GNPAT: variants seen among roughly 807,000 people sequenced by gnomAD.
GNPAT encodes dihydroxyacetone phosphate acyltransferase.
Under a neutral mutation model 78.4 loss-of-function variants are expected in GNPAT, and 30 were observed. That is an observed-to-expected ratio of 0.38 (90% CI 0.29 to 0.52). The LOEUF is 0.52. Ranked by LOEUF, GNPAT falls within the 20% of genes least tolerant of loss-of-function variation. The pLI, the probability that GNPAT is intolerant of heterozygous loss-of-function variation, is 0.84. For synonymous variants in GNPAT, 271 were observed against 281.1 expected (o/e 0.96, Z 0.36); for missense variants, 714 against 812.2 (o/e 0.88, Z 1.47).
intron 1 of GNPAT, among the ~76,000 whole-genome samples, chr1:231,242,560 A>T (rs536504743): frequency 6.6e-6 from 1 of 152,112 alleles, no homozygotes; most frequent in African/African-American, 2.4e-5. Context: ...CTCTTCATTG[A>T]TCTTATCTTC....
intron 2 of GNPAT, among the ~76,000 whole-genome samples, chr1:231,258,709 C>A (rs1394458767): frequency 7.2e-6 from 1 of 138,230 alleles, no homozygotes; most frequent in African/African-American, 2.8e-5. Flanking sequence ...TGGCTCACTG[C>A]AAGCTCCGCC....
intron 1 of GNPAT, among the ~76,000 whole-genome samples, chr1:231,250,689 G>T (rs1024179307): frequency 2.0e-5 from 3 of 152,118 alleles, no homozygotes; most frequent in Non-Finnish European, 2.9e-5. Context: ...TCTCATCTTT[G>T]CTGTCTTCAT....
intron 4 of GNPAT, among the ~76,000 whole-genome samples, chr1:231,264,677 A>G (rs1362587221): frequency 6.6e-6 from 1 of 152,236 alleles, no homozygotes; most frequent in Non-Finnish European, 1.5e-5. Context: ...TTCCTTTCTT[A>G]CAAGATTTGC....
intron 9 of GNPAT, among the ~76,000 whole-genome samples, chr1:231,269,233 A>G (rs1254373899): frequency 6.6e-6 from 1 of 152,220 alleles, no homozygotes; most frequent in Non-Finnish European, 1.5e-5. Flanking sequence ...AAGACTTCAC[A>G]GAAGCGACTT....
At position 231,275,469 on chromosome 1, in the gene GNPAT, G is replaced by A; in HGVS notation, c.1908G>A (p.Val636=). The A allele has an allele frequency of 6.2e-7, 1 of 1,606,914 alleles. No homozygotes were observed. Among genetic ancestry groups the A allele is most frequent in the Admixed American group, 1.7e-5 (1 of 60,018 alleles). The change falls in exon 14 of 16, where the codon GTG becomes GTA. Residue 636 remains valine (V), a synonymous_variant. Transcript: ENST00000366647. Reference sequence around the variant, plus strand: ...AGAAAAACGCCTTAGCAGCCTGTGTGAGGCTCGGAGTAGTGGAGAAGAAGA... The same window carrying A: ...AGAAAAACGCCTTAGCAGCCTGTGTAAGGCTCGGAGTAGTGGAGAAGAAGA... The part of the protein sequence containing the change: ...DVQKNALAAC[V]RLGVVEKKKI...
chr1:231,262,312 T>C (rs2102814938), intron 3 of GNPAT, among the ~76,000 whole-genome samples: 1 of 152,360 alleles, frequency 6.6e-6, no homozygotes, highest in East Asian at 1.9e-4. Context: ...CAGACTGACT[T>C]GGGTTCCATT....
At chr1:231,255,377 ATC>A (rs1425853534) in intron 2 of GNPAT, among the ~76,000 whole-genome samples, 3 of 152,062 alleles carry the variant, frequency 2.0e-5, no homozygotes, top group East Asian at 3.9e-4. Context: ...TCTAGTTACT[ATC>A]TCTTTCTTCC....
rs565849839 is a variant in GNPAT at position 231,247,193 on chromosome 1, C to T, written c.79-3768C>T. ...AAAAAAAAACCACTGGATTCGACAT[C>T]GGGTAAGGGCCAGAATGGGGAGATT... On this transcript the variant is annotated intron_variant, in intron 1 of 15. Transcript: ENST00000366647. Among the ~76,000 whole-genome samples the T allele has an allele frequency of 7.9e-5, 12 of 152,000 alleles. No homozygotes were observed. The South Asian group carries it at 1.2e-3, about 16-fold the overall frequency.
At chr1:231,257,011 A>G (rs531820965) in intron 2 of GNPAT, among the ~76,000 whole-genome samples, 6 of 152,308 alleles carry the variant, frequency 3.9e-5, no homozygotes, top group Non-Finnish European at 8.8e-5. Context: ...TTATAAGACT[A>G]TTGCTCATCT....
Position 231,266,112 on chromosome 1 carries a change from A to G in GNPAT, c.871A>G (p.Thr291Ala), listed in dbSNP as rs1165473231. The change falls in exon 7 of 16, where the codon ACT becomes GCT. Residue 291 changes from threonine (T) to alanine (A), a missense_variant. Coordinates refer to ENST00000366647, the MANE Select transcript of GNPAT (RefSeq NM_014236.4). ...CAGTTATGATAAGATCTTGGAAGAA[A>G]CTCTTTATGTGTATGAGCTTCTAGG... ...SISYDKILEE[T>A]LYVYELLGVP... The G allele has an allele frequency of 6.2e-7, 1 of 1,612,158 alleles. No homozygotes were observed. Among genetic ancestry groups the G allele is most frequent in the South Asian group, 1.1e-5 (1 of 91,046 alleles).
intron 2 of GNPAT, among the ~76,000 whole-genome samples, chr1:231,252,387 A>T (rs1684921676): frequency 6.6e-6 from 1 of 152,212 alleles, no homozygotes; most frequent in Non-Finnish European, 1.5e-5. Context: ...AAGTTCTGTT[A>T]TAGCTGTGTG....
At chr1:231,247,754 G>A (rs1003679702) in intron 1 of GNPAT, among the ~76,000 whole-genome samples, 4 of 152,214 alleles carry the variant, frequency 2.6e-5, no homozygotes, top group Admixed American at 6.5e-5. Flanking sequence ...TCTGTAGAGG[G>A]AGCAACTTGA....
At chr1:231,260,822 G>C in intron 3 of GNPAT, 139 bp downstream of exon 3, 1 of 660,056 alleles carries the variant, frequency 1.5e-6, no homozygotes, top group Non-Finnish European at 2.6e-6. Flanking sequence ...AAAGCCTAGG[G>C]CCTAATCATC....
At chr1:231,250,213 A>G (rs1009069565) in intron 1 of GNPAT, among the ~76,000 whole-genome samples, 2 of 152,004 alleles carry the variant, frequency 1.3e-5, no homozygotes, top group African/African-American at 2.4e-5. Context: ...TTAGCCTCCC[A>G]AAGTGCTGGA....
rs559293059 is a variant in GNPAT, at chr1:231,277,380, C to G, written c.2000-119C>G. ...TGGCGTCCCCATGGGTACTGGCCAG[C>G]CTGTGAAGCTCTGCACAAGTCTCCA... On this transcript the variant is annotated intron_variant, in intron 15 of 15. Coordinates refer to ENST00000366647, the MANE Select transcript of GNPAT (RefSeq NM_014236.4). 4.6e-5 allele frequency: 35 copies of G among 753,114 alleles called. No homozygotes were observed. The Middle Eastern group carries it at 1.1e-3, about 24-fold the overall frequency. The allele number at this position is 753,114 out of a possible 1,614,324, so 46.7% of individuals were successfully genotyped here.
chr1:231,276,727 A>T (rs961892861), intron 15 of GNPAT, among the ~76,000 whole-genome samples: 12 of 152,204 alleles, frequency 7.9e-5, no homozygotes, highest in Non-Finnish European at 1.2e-4. Flanking sequence ...GTCTTCCTTG[A>T]CATAAGAGTC....
At chr1:231,246,756 T>C (rs524661) in intron 1 of GNPAT, among the ~76,000 whole-genome samples, 92,357 of 152,138 alleles carry the variant, frequency 0.61, 28,701 homozygotes, top group African/African-American at 0.74. Flanking sequence ...AAAAAGAATT[T>C]GGACAGCTGA....
At chr1:231,245,061 A>G (rs480357) in intron 1 of GNPAT, among the ~76,000 whole-genome samples, 83,535 of 152,022 alleles carry the variant, frequency 0.55, 23,155 homozygotes, top group South Asian at 0.63. Flanking sequence ...TCTGTGTGGC[A>G]TGCTATGTTT....
Position 231,260,534 on chromosome 1 carries a change from G to A in GNPAT, c.289G>A (p.Asp97Asn), listed in dbSNP as rs1558331190. The change falls in exon 3 of 16, where the codon GAT becomes AAT. Residue 97 changes from aspartate (D) to asparagine (N), a missense_variant. Transcript: ENST00000366647. ...TTCCAAGGAATCCCTTCAATCTGTG[G>A]ATGTCCTCCGAGAGGAAGTGAGTGA... The part of the protein sequence containing the change: ...QLSKESLQSV[D>N]VLREEVSEIL... 2.5e-6 allele frequency: 4 copies of A among 1,609,852 alleles called. No individual in the cohort carries two copies. The highest frequency in any genetic ancestry group is 1.7e-4 in the Middle Eastern group (1 of 6,058).
Sources: gnomAD v4.1 joint callset for allele counts (sites outside exome capture counted in the v4.1 genomes callset) on GRCh38, gnomAD v4.1.1 for gene constraint, MANE v1.5 for transcripts, NCBI Gene and HGNC (gene_info 2026-07-23, HGNC 2026-07-21) for gene names.